CTNNB1: variants seen among roughly 807,000 people sequenced by gnomAD.
CTNNB1 encodes catenin beta 1.
A neutral mutation model predicts 82.5 loss-of-function variants in CTNNB1; 6 were observed. The observed-to-expected ratio is 0.07, with a 90% CI of 0.04 to 0.14. The LOEUF is 0.14. CTNNB1 is among the 10% of genes least tolerant of loss of function. The probability of loss-of-function intolerance (pLI) is 1.00; values close to 1 mark genes in which losing one functional copy is unlikely to be tolerated. For synonymous variants in CTNNB1, 312 were observed against 329.7 expected (o/e 0.95, Z 0.58); for missense variants, 529 against 980.4 (o/e 0.54, Z 6.15).
intron 1 of CTNNB1, chr3:41,210,910 C>T: frequency 2.5e-6 from 1 of 401,612 alleles, no homozygotes; most frequent in Non-Finnish European, 5.0e-6. Context: ...CTACCTCAGC[C>T]TCCCAAGTAG....
In CTNNB1 at chr3:41,225,325, G is replaced by GT. The variant is rs1444346405; in HGVS notation, c.496-8dup. The GT allele has an allele frequency of 6.2e-7, 1 of 1,614,018 alleles. No homozygotes were observed. The highest frequency in any genetic ancestry group is 8.5e-7 in the Non-Finnish European group (1 of 1,179,966). On this transcript the variant is annotated splice_polypyrimidine_tract_variant and intron_variant, in intron 4 of 14. Coordinates refer to ENST00000349496, the MANE Select transcript of CTNNB1 (RefSeq NM_001904.4). The surrounding 1 kb of genome is among the most constrained non-coding windows in gnomAD (Gnocchi z 5.3). ...AAACTAACGATGTTTCTGAATTCCT[G>GT]TATTACAGGTGGTGGTTAATAAGGC...
rs2078551061 is a variant in CTNNB1, at chr3:41,240,246, AT to A, written c.*907del. 5.1e-6 allele frequency: 1 copy of A among 194,384 alleles called. No homozygotes were observed. Among genetic ancestry groups the A allele is most frequent in the South Asian group, 1.9e-4 (1 of 5,162 alleles). 12.0% of individuals were successfully genotyped at this position (194,384 alleles called of 1,614,324 possible). On this transcript the variant is annotated 3_prime_UTR_variant, in exon 15 of 15. Coordinates refer to ENST00000349496, the MANE Select transcript of CTNNB1 (RefSeq NM_001904.4). Reference sequence around the variant, plus strand: ...ATGCTTAAAATAAGCAGGTGGATCTATTTCATGTTTTTGATCAAAAACTATT... The same window carrying A: ...ATGCTTAAAATAAGCAGGTGGATCTATTCATGTTTTTGATCAAAAACTATT...
chr3:41,208,569 C>G (rs2077702407), intron 1 of CTNNB1, among the ~76,000 whole-genome samples: 1 of 152,222 alleles, frequency 6.6e-6, no homozygotes. Flanking sequence ...AAGCTTTTCC[C>G]TGTTCCTCAC....
intron 1 of CTNNB1, among the ~76,000 whole-genome samples, chr3:41,201,974 T>A (rs2125582080): frequency 6.6e-6 from 1 of 151,844 alleles, no homozygotes; most frequent in African/African-American, 2.4e-5. Flanking sequence ...TCTCCAAGGG[T>A]ATTTTGAAAT....
chr3:41,205,057 A>G (rs1288713628), intron 1 of CTNNB1, among the ~76,000 whole-genome samples: 1 of 152,170 alleles, frequency 6.6e-6, no homozygotes, highest in Non-Finnish European at 1.5e-5. Context: ...TAACTTTCTT[A>G]TTACTCAACC....
At chr3:41,203,330 A>G (rs2125584087) in intron 1 of CTNNB1, among the ~76,000 whole-genome samples, 1 of 152,326 alleles carries the variant, frequency 6.6e-6, no homozygotes, top group East Asian at 1.9e-4. Context: ...ACTGCTAATT[A>G]AAATACAGGC....
chr3:41,203,352 T>C (rs1481692883), intron 1 of CTNNB1, among the ~76,000 whole-genome samples: 1 of 152,172 alleles, frequency 6.6e-6, no homozygotes, highest in Non-Finnish European at 1.5e-5. Flanking sequence ...TGAGAAAATG[T>C]CTTCTCAGCC....
In CTNNB1 at chr3:41,204,250, G is replaced by A. The variant is rs75111096; in HGVS notation, c.-49+4580G>A. Among the ~76,000 whole-genome samples, 836 of 152,156 alleles carry A rather than the reference G, an allele frequency of 5.5e-3. 4 individuals are homozygous for A. Among genetic ancestry groups the A allele is most frequent in the South Asian group, 8.5e-3 (41 of 4,822 alleles). ...CAGCATTTACTGTCTATAAGCTTCT[G>A]TTCTGATTTTTCAAGAGTTTTCTGA... On this transcript the variant is annotated intron_variant, in intron 1 of 14. Transcript: ENST00000349496.
At position 41,202,483 on chromosome 3, in the gene CTNNB1, T is replaced by C. The variant is rs368075462; in HGVS notation, c.-49+2813T>C. Among the ~76,000 whole-genome samples the C allele has an allele frequency of 2.0e-4, 31 of 152,336 alleles. No homozygotes were observed. The East Asian group carries it at 4.1e-3, about 20-fold the overall frequency. On this transcript the variant is annotated intron_variant, in intron 1 of 14. Coordinates refer to ENST00000349496, the MANE Select transcript of CTNNB1 (RefSeq NM_001904.4). ...AGTTTTCTTGTAGCCCTCTTTTTAT[T>C]GGAACTGTGGTATCTATTGTTGAAA...
Position 41,233,638 on chromosome 3 carries a change from A to G in CTNNB1, c.1295A>G (p.Tyr432Cys), listed in dbSNP as rs1559474356. ...CTTTCTAACCTCACTTGCAATAATT[A>G]TAAGAACAAGATGATGGTCTGCCAA... is the stretch of plus-strand genomic sequence containing the variant. ...GILSNLTCNN[Y>C]KNKMMVCQVG... Residue 432 changes from tyrosine to cysteine, a missense_variant, in exon 9 of 15, where the codon TAT becomes TGT. Physicochemically the swap from Tyr to Cys is radical, Grantham distance 194. This residue lies in a region of CTNNB1 where 411 missense variants were observed against 776.4 expected (regional missense o/e 0.53). Coordinates refer to ENST00000349496, the MANE Select transcript of CTNNB1 (RefSeq NM_001904.4). The G allele has an allele frequency of 2.5e-6, 4 of 1,614,070 alleles. No individual in the cohort carries two copies. The highest frequency in any genetic ancestry group is 1.7e-5 in the Admixed American group (1 of 60,000).
rs973230809 is a variant in CTNNB1 at position 41,227,061 on chromosome 3, C to A, written c.937-147C>A. On this transcript the variant is annotated intron_variant, in intron 6 of 14. Coordinates refer to ENST00000349496, the MANE Select transcript of CTNNB1 (RefSeq NM_001904.4). ...TTGGATAGGGCCCCAGTATGGGGGTCTGAGTGATGGGGTCCAGGAATACAT... is the reference window on the plus strand; with the variant it reads ...TTGGATAGGGCCCCAGTATGGGGGTATGAGTGATGGGGTCCAGGAATACAT... The A allele has an allele frequency of 7.3e-6, 5 of 681,376 alleles. No individual in the cohort carries two copies. The African/African-American group carries it at 9.0e-5, about 12-fold the overall frequency. 42.2% of individuals were successfully genotyped at this position (681,376 alleles called of 1,614,324 possible).
In CTNNB1 at chr3:41,209,443, A is replaced by T. The variant is rs1458887140; in HGVS notation, c.-49+9773A>T. 2.7e-4 allele frequency among the ~76,000 whole-genome samples: 41 copies of T among 152,212 alleles called. 1 individual carries two copies. Among genetic ancestry groups the T allele is most frequent in the Admixed American group, 2.7e-3 (41 of 15,282 alleles). On this transcript the variant is annotated intron_variant, in intron 1 of 14. Transcript: ENST00000349496. The stretch of plus-strand genomic sequence containing the variant: ...TTCTGTCTTTCCAGTTACCTAGCTT[A>T]AAAGCTTGCAGTTCTTGACTCATCT...
chr3:41,237,446 C>CAAGAAA (rs2078463098), intron 13 of CTNNB1: 1 of 65,264 alleles, frequency 1.5e-5, no homozygotes, highest in African/African-American at 6.6e-5. Context: ...GACTCCAACA[C>CAAGAAA]AAAAAAAAAA....
rs1366604159 is a variant in CTNNB1, at chr3:41,239,983, GC to G, written c.*642del. The G allele has an allele frequency of 1.3e-3, 102 of 81,566 alleles. No homozygotes were observed. Among genetic ancestry groups the G allele is most frequent in the African/African-American group, 4.9e-3 (84 of 17,280 alleles). 5.1% of individuals were successfully genotyped at this position (81,566 alleles called of 1,614,324 possible). On this transcript the variant is annotated 3_prime_UTR_variant, in exon 15 of 15. Coordinates refer to ENST00000349496, the MANE Select transcript of CTNNB1 (RefSeq NM_001904.4). ...TACTGACTTTGCTTGCTTTGAAGTA[GC>G]TCTTTTTTTTTTTTTTTTTTTTTTT...
At chr3:41,203,475 A>G (rs1205812072) in intron 1 of CTNNB1, among the ~76,000 whole-genome samples, 1 of 152,200 alleles carries the variant, frequency 6.6e-6, no homozygotes, top group Non-Finnish European at 1.5e-5. Flanking sequence ...TTTAGGAGGT[A>G]AAAGATCATA....
chr3:41,238,144 C>A, intron 14 of CTNNB1, 68 bp downstream of exon 14: 2 of 1,416,434 alleles, frequency 1.4e-6, no homozygotes, highest in East Asian at 2.3e-5. Context: ...ATCAGAAGAG[C>A]CGGTTTGCTC....
chr3:41,238,555 T>TAA (rs1193948078), intron 14 of CTNNB1: 1 of 192,196 alleles, frequency 5.2e-6, no homozygotes, highest in African/African-American at 2.4e-5. Flanking sequence ...ATAACTGTCT[T>TAA]ACATTTATAA....
intron 14 of CTNNB1, 32 bp downstream of exon 14, chr3:41,238,108 G>A (rs1234837260): frequency 6.3e-6 from 10 of 1,592,584 alleles, no homozygotes; most frequent in Non-Finnish European, 8.6e-6. Flanking sequence ...ATTAACTCCA[G>A]ATCAAGCTAA....
At chr3:41,239,104 C>A (rs1248088165) in intron 14 of CTNNB1, 30 bp from the exon 15 acceptor site, 2 of 1,580,142 alleles carry the variant, frequency 1.3e-6, no homozygotes, top group Non-Finnish European at 1.7e-6. Flanking sequence ...TTCCTTCTTG[C>A]CTATTTTGTT....
Sources: gnomAD v4.1 joint callset for allele counts (sites outside exome capture counted in the v4.1 genomes callset) on GRCh38, gnomAD v4.1.1 for gene constraint, gnomAD v4.1.1 regional missense constraint, Gnocchi (gnomAD v3.1) non-coding constraint, MANE v1.5 for transcripts, NCBI Gene and HGNC (gene_info 2026-07-23, HGNC 2026-07-21) for gene names.